The following NETO2 variants were observed in gnomAD, a reference collection of about 807,000 sequenced individuals.
NETO2 encodes the protein neuropilin and tolloid-like protein 2.
NETO2 carries 28 observed loss-of-function variants against 62.5 expected under a neutral mutation model. The observed-to-expected ratio is 0.45, with a 90% confidence interval of 0.33 to 0.61. The LOEUF is 0.61. NETO2 is among the 20% of genes least tolerant of loss of function. The pLI is 0.02. For missense variants in NETO2, 548 were observed against 643.2 expected (o/e 0.85, Z 1.60); for synonymous variants, 214 against 219.1 (o/e 0.98, Z 0.21).
intron 2 of NETO2, among the ~76,000 whole-genome samples, chr16:47,129,636 T>C (rs1246298398): frequency 6.6e-6 from 1 of 152,192 alleles, no homozygotes; most frequent in Admixed American, 6.5e-5. Flanking sequence ...TGGGGGAATC[T>C]GCTAAGTCAG....
chr16:47,117,894 C>G (rs1439810686), intron 6 of NETO2, among the ~76,000 whole-genome samples: 4 of 151,958 alleles, frequency 2.6e-5, no homozygotes, highest in Admixed American at 2.0e-4. Flanking sequence ...TGAGAACAGC[C>G]TAGGCAACAT....
At chr16:47,117,673 T>C (rs1963950399) in intron 6 of NETO2, among the ~76,000 whole-genome samples, 1 of 152,200 alleles carries the variant, frequency 6.6e-6, no homozygotes, top group Non-Finnish European at 1.5e-5. Context: ...GATTTTTCTT[T>C]TAGTTCTAAA....
At chr16:47,137,224 T>C (rs931466392) in intron 1 of NETO2, among the ~76,000 whole-genome samples, 1 of 152,224 alleles carries the variant, frequency 6.6e-6, no homozygotes, top group African/African-American at 2.4e-5. Context: ...CCTCAAACTT[T>C]AATGTGCATC....
chr16:47,108,848 T>C (rs1170243214), intron 7 of NETO2, among the ~76,000 whole-genome samples: 2 of 152,224 alleles, frequency 1.3e-5, no homozygotes, highest in African/African-American at 2.4e-5. Context: ...GAACGGCACA[T>C]AGGGAATCTA....
chr16:47,125,233 G>A (rs1336832342), intron 4 of NETO2, among the ~76,000 whole-genome samples: 1 of 152,030 alleles, frequency 6.6e-6, no homozygotes, highest in Non-Finnish European at 1.5e-5. Context: ...AATCCAATCA[G>A]TCATTTTGAT....
intron 5 of NETO2, 38 bp from the exon 6 acceptor site, chr16:47,122,822 A>C: frequency 6.2e-7 from 1 of 1,614,046 alleles, no homozygotes; most frequent in South Asian, 1.1e-5. Flanking sequence ...AAGGAACATA[A>C]GACTAATCAA....
Position 47,132,013 on chromosome 16 carries a change from G to A in NETO2, c.47C>T (p.Thr16Ile). The A allele has an allele frequency of 6.2e-7, 1 of 1,611,794 alleles. No homozygotes were observed. Among genetic ancestry groups the A allele is most frequent in the East Asian group, 2.2e-5 (1 of 44,784 alleles). ...LCSVLKVLLI[T>I]VLVVEGIAVA... ...GGCAATCCCTTCCACTACCAGTACTGTTATTAACAACACTAGAGAAATAAC... is the reference window on the plus strand; with the variant it reads ...GGCAATCCCTTCCACTACCAGTACTATTATTAACAACACTAGAGAAATAAC... The change falls in exon 2 of 9, where the codon ACA becomes ATA. Residue 16 changes from threonine to isoleucine, a missense_variant. By Grantham distance (89) the Thr-to-Ile change is moderately conservative. Transcript: ENST00000562435.
chr16:47,132,746 G>A (rs986008488), intron 1 of NETO2, among the ~76,000 whole-genome samples: 2 of 152,228 alleles, frequency 1.3e-5, no homozygotes, highest in African/African-American at 4.8e-5. Flanking sequence ...GTGAACTGGA[G>A]TTATTCATTC....
chr16:47,133,416 G>T (rs968584884), intron 1 of NETO2, among the ~76,000 whole-genome samples: 1 of 151,492 alleles, frequency 6.6e-6, no homozygotes, highest in Non-Finnish European at 1.5e-5. Context: ...AAATTAGCCA[G>T]GCATGGTGGC....
intron 1 of NETO2, among the ~76,000 whole-genome samples, chr16:47,134,944 TTTTC>T (rs1964338346): frequency 6.6e-6 from 1 of 152,216 alleles, no homozygotes; most frequent in Admixed American, 6.5e-5. Flanking sequence ...GGCTGCACAG[TTTTC>T]TTTTTTTCTC....
intron 7 of NETO2, among the ~76,000 whole-genome samples, chr16:47,103,792 C>A (rs1963609108): frequency 6.6e-6 from 1 of 152,042 alleles, no homozygotes; most frequent in African/African-American, 2.4e-5. Flanking sequence ...ACATGATGAA[C>A]TCAATGAATT....
intron 6 of NETO2, among the ~76,000 whole-genome samples, chr16:47,110,382 C>T (rs1963769274): frequency 6.6e-6 from 1 of 152,208 alleles, no homozygotes; most frequent in Non-Finnish European, 1.5e-5. Context: ...AAGTTATTTC[C>T]TAAACACTCT....
At chr16:47,143,464 CAA>C (rs1054870212) in intron 1 of NETO2, 113 bp downstream of exon 1, 234 of 1,154,430 alleles carry the variant, frequency 2.0e-4, no homozygotes, top group Non-Finnish European at 2.3e-4. Flanking sequence ...CCCCGCCAGA[CAA>C]AGAGGCGCGT....
At chr16:47,084,034 C>G (rs1009009113) in intron 8 of NETO2, among the ~76,000 whole-genome samples, 55 of 152,194 alleles carry the variant, frequency 3.6e-4, no homozygotes, top group African/African-American at 1.3e-3. Flanking sequence ...TGGTCCGTTT[C>G]TTCAGAAGAC....
At chr16:47,132,572 T>C (rs1274851096) in intron 1 of NETO2, among the ~76,000 whole-genome samples, 1 of 152,238 alleles carries the variant, frequency 6.6e-6, no homozygotes, top group African/African-American at 2.4e-5. Context: ...CTAGCCATAT[T>C]TAACACTGAA....
Position 47,082,940 on chromosome 16 carries a change from A to G in NETO2, c.*281T>C, listed in dbSNP as rs765693945. On this transcript the variant is annotated 3_prime_UTR_variant, in exon 9 of 9. Coordinates refer to ENST00000562435, the MANE Select transcript of NETO2 (RefSeq NM_018092.5). ...AGGCAGCCTGAGCCTGGCTCCATCC[A>G]ACCACCTCTTCTAATGCTCTTTAAC... 3.1e-6 allele frequency: 1 copy of G among 320,828 alleles called. No individual in the cohort carries two copies. Among genetic ancestry groups the G allele is most frequent in the Non-Finnish European group, 5.7e-6 (1 of 176,678 alleles). The allele number at this position is 320,828 out of a possible 1,614,324, so 19.9% of individuals were successfully genotyped here. A position where few individuals can be genotyped will look rare whatever the true frequency, so the allele number is the denominator to read the frequency against.
rs1256206678 is a variant in NETO2 at position 47,107,929 on chromosome 16, C to T, written c.883+1554G>A. Among the ~76,000 whole-genome samples the T allele has an allele frequency of 2.6e-5, 4 of 152,230 alleles. No homozygotes were observed. The East Asian group carries it at 5.8e-4, about 22-fold the overall frequency. ...TAGCTGGGACTATAGGCACCTGCCA[C>T]CATGCCCAGCTAATTTTTGTATTTT... On this transcript the variant is annotated intron_variant, in intron 7 of 8. Coordinates refer to ENST00000562435, the MANE Select transcript of NETO2 (RefSeq NM_018092.5).
At chr16:47,103,366 G>A (rs1334122480) in intron 7 of NETO2, among the ~76,000 whole-genome samples, 1 of 152,122 alleles carries the variant, frequency 6.6e-6, no homozygotes, top group Non-Finnish European at 1.5e-5. Context: ...CAGCAAACCA[G>A]CATGGCAGGT....
At chr16:47,106,842 C>T (rs899482186) in intron 7 of NETO2, among the ~76,000 whole-genome samples, 20 of 151,158 alleles carry the variant, frequency 1.3e-4, no homozygotes, top group Admixed American at 1.1e-3. Flanking sequence ...AGTGCAGTGG[C>T]CTGATCTCAG....
Sources: allele counts gnomAD v4.1 joint callset (sites outside exome capture counted in the v4.1 genomes callset), GRCh38; gene constraint gnomAD v4.1.1; transcripts MANE v1.5; gene names NCBI Gene and HGNC (gene_info 2026-07-23, HGNC 2026-07-21).